SH3D19: variants seen among roughly 807,000 people sequenced by gnomAD.
SH3D19 encodes SH3 domain containing 19.
In SH3D19, 58 loss-of-function variants were observed where a neutral mutation model predicts 112.1. The ratio of observed to expected loss-of-function variants is 0.52; its 90% confidence interval spans 0.42 to 0.64. The LOEUF (loss-of-function observed/expected upper bound fraction) is 0.64, where lower values mean the gene tolerates loss of function less well. Among genes scored for constraint, SH3D19 ranks in the 30% least tolerant of loss-of-function variants. The pLI is 0.00. For synonymous variants in SH3D19, 391 were observed against 448.5 expected (o/e 0.87, Z 1.62); for missense variants, 1,090 against 1,263.4 (o/e 0.86, Z 2.08).
chr4:151,189,438 A>G (rs982615132), intron 2 of SH3D19, among the ~76,000 whole-genome samples: 1 of 152,086 alleles, frequency 6.6e-6, no homozygotes, highest in Admixed American at 6.5e-5. Flanking sequence ...TAAGTCACTC[A>G]GTGATATGGT....
At chr4:151,150,689 G>GAACAATAAAA (rs1449593752) in intron 9 of SH3D19, among the ~76,000 whole-genome samples, 1 of 152,016 alleles carries the variant, frequency 6.6e-6, no homozygotes, top group African/African-American at 2.4e-5. Context: ...AGAATAATAT[G>GAACAATAAAA]AACAATAAAA....
At chr4:151,130,037 C>CT (rs1750284869) in intron 17 of SH3D19, among the ~76,000 whole-genome samples, 1 of 152,212 alleles carries the variant, frequency 6.6e-6, no homozygotes, top group Admixed American at 6.5e-5. Context: ...TCCTGTTTCA[C>CT]TTTATCAGTG....
chr4:151,258,656 G>A (rs1370591096), intron 1 of SH3D19, among the ~76,000 whole-genome samples: 1 of 152,152 alleles, frequency 6.6e-6, no homozygotes, highest in Admixed American at 6.5e-5. Context: ...AGCAGGGGAC[G>A]CCGCAGACCC....
chr4:151,149,967 C>T (rs1050998967), intron 9 of SH3D19, among the ~76,000 whole-genome samples: 15 of 151,370 alleles, frequency 9.9e-5, no homozygotes, highest in Admixed American at 7.3e-4. Context: ...GGGTGGATCA[C>T]GAGGTCAGGA....
chr4:151,300,114 T>C (rs1728232996), intron 1 of SH3D19, among the ~76,000 whole-genome samples: 1 of 151,988 alleles, frequency 6.6e-6, no homozygotes, highest in Non-Finnish European at 1.5e-5. Context: ...GGCAGGAGAA[T>C]TGCTTGAACC....
chr4:151,191,240 A>G (rs1307513801), intron 2 of SH3D19, among the ~76,000 whole-genome samples: 3 of 152,216 alleles, frequency 2.0e-5, no homozygotes, highest in African/African-American at 7.2e-5. Context: ...TCATAGGCGG[A>G]AGGGACATGC....
chr4:151,308,684 C>A (rs1282624192), intron 1 of SH3D19, among the ~76,000 whole-genome samples: 1 of 152,088 alleles, frequency 6.6e-6, no homozygotes, highest in Non-Finnish European at 1.5e-5. Context: ...AAAAGACAGC[C>A]AATTATTTAG....
chr4:151,254,414 G>A (rs1771652029), intron 1 of SH3D19, among the ~76,000 whole-genome samples: 1 of 149,830 alleles, frequency 6.7e-6, no homozygotes, highest in South Asian at 2.1e-4. Flanking sequence ...GGGAAGGTCA[G>A]CAGATAAACA....
rs1484407956 is a variant in SH3D19, at chr4:151,121,402, A to G, written c.*689T>C. ...ATATGGAAGGATTAGTTGTATTAGC[A>G]AGGCATTTCAGGGATGGTTTTGGTT... On this transcript the variant is annotated 3_prime_UTR_variant, in exon 20 of 20. Transcript: ENST00000604030. The G allele has an allele frequency of 6.8e-6, 1 of 147,358 alleles. No homozygotes were observed. The highest frequency in any genetic ancestry group is 1.5e-5 in the Non-Finnish European group (1 of 66,800). The allele number at this position is 147,358 out of a possible 1,614,324, so 9.1% of individuals were successfully genotyped here.
rs1580181611 is a variant in SH3D19, at chr4:151,211,683, T to C, written c.152+14364A>G. Among the ~76,000 whole-genome samples the C allele has an allele frequency of 3.3e-5, 5 of 152,320 alleles. No individual in the cohort carries two copies. The South Asian group carries it at 1.0e-3, about 32-fold the overall frequency. Reference sequence around the variant, plus strand: ...CTTGTTGCTGATATGAAGAAAGTTTTAGTGGTCTGGATAGAAGATCAACCC... The same window carrying C: ...CTTGTTGCTGATATGAAGAAAGTTTCAGTGGTCTGGATAGAAGATCAACCC... On this transcript the variant is annotated intron_variant, in intron 2 of 19. Coordinates refer to ENST00000604030, the MANE Select transcript of SH3D19 (RefSeq NM_001378122.1).
chr4:151,291,174 A>C (rs1775301035), intron 1 of SH3D19: 1 of 1,613,806 alleles, frequency 6.2e-7, no homozygotes, highest in African/African-American at 1.3e-5. Context: ...TCCAGACAGG[A>C]GTAGTAAGCT....
At chr4:151,228,369 A>G (rs1212159344) in intron 1 of SH3D19, among the ~76,000 whole-genome samples, 2 of 152,222 alleles carry the variant, frequency 1.3e-5, no homozygotes, top group Non-Finnish European at 2.9e-5. Context: ...CATGAAAAAC[A>G]AATTGAAACA....
At chr4:151,257,067 A>T (rs939706431) in intron 1 of SH3D19, among the ~76,000 whole-genome samples, 2 of 124,398 alleles carry the variant, frequency 1.6e-5, no homozygotes, top group Non-Finnish European at 3.4e-5. Flanking sequence ...TTTTCTTCTT[A>T]TTTATTTATT....
At chr4:151,244,351 A>G (rs531221887) in intron 1 of SH3D19, among the ~76,000 whole-genome samples, 2 of 152,336 alleles carry the variant, frequency 1.3e-5, no homozygotes, top group South Asian at 2.1e-4. Flanking sequence ...AATTGTTCAA[A>G]TGTTGATAGG....
At position 151,174,903 on chromosome 4, in the gene SH3D19, G is replaced by C; in HGVS notation, c.1301C>G (p.Pro434Arg). 2 of 1,613,320 alleles carry C rather than the reference G, an allele frequency of 1.2e-6. No individual in the cohort carries two copies. Among genetic ancestry groups the C allele is most frequent in the Non-Finnish European group, 1.7e-6 (2 of 1,179,486 alleles). ...TTTCAGTGGAGCTGAAGGGTAGGTG[G>C]GGTTTTCTGAGGAAACAGATTTCTT... ...LLKKSVSSEN[P>R]TYPSAPLKPV... Residue 434 changes from proline (P) to arginine (R), a missense_variant, in exon 7 of 20, where the codon CCC becomes CGC. Pro to Arg is a moderately radical substitution (Grantham distance 103). Coordinates refer to ENST00000604030, the MANE Select transcript of SH3D19 (RefSeq NM_001378122.1).
chr4:151,210,124 T>C (rs1765724900), intron 2 of SH3D19, among the ~76,000 whole-genome samples: 1 of 152,174 alleles, frequency 6.6e-6, no homozygotes, highest in African/African-American at 2.4e-5. Flanking sequence ...TTTGGTAGTA[T>C]ATATGAAAAG....
Position 151,148,146 on chromosome 4 carries a change from T to C in SH3D19, c.1858A>G (p.Thr620Ala). 1 of 1,610,742 alleles carries C rather than the reference T, an allele frequency of 6.2e-7. No individual in the cohort carries two copies. The highest frequency in any genetic ancestry group is 8.5e-7 in the Non-Finnish European group (1 of 1,179,188). ...GKTIPTQQPPTKVPPERPPPP... is the reference protein window; with the variant it reads ...GKTIPTQQPPAKVPPERPPPP... ...GGTGGTCTCTCAGGGGGCACCTTGG[T>C]TGGAGGCTGTTGAGTTGGAATGGTT... The change falls in exon 11 of 20, where the codon ACC (threonine) becomes GCC (alanine). Residue 620 changes from threonine (T) to alanine (A), a missense_variant. Coordinates refer to ENST00000604030, the MANE Select transcript of SH3D19 (RefSeq NM_001378122.1).
In SH3D19 at chr4:151,222,725, C is replaced by T. The variant is rs369556047; in HGVS notation, c.152+3322G>A. Reference sequence around the variant, plus strand: ...TCTCACTCTGTTGCCCAGACTGGAGCGCAGTGGAGTGATCTTGGCTCACTG... The same window carrying T: ...TCTCACTCTGTTGCCCAGACTGGAGTGCAGTGGAGTGATCTTGGCTCACTG... On this transcript the variant is annotated intron_variant, in intron 2 of 19. Transcript: ENST00000604030. Among the ~76,000 whole-genome samples, 25 of 125,922 alleles carry T rather than the reference C, an allele frequency of 2.0e-4. 1 individual carries two copies. The highest frequency in any genetic ancestry group is 1.0e-3 in the South Asian group (4 of 3,920). The allele number at this position is 125,922 out of a possible 152,430, so 82.6% of individuals were successfully genotyped here.
At chr4:151,250,704 C>A (rs1258743534) in intron 1 of SH3D19, among the ~76,000 whole-genome samples, 1 of 152,144 alleles carries the variant, frequency 6.6e-6, no homozygotes, top group Non-Finnish European at 1.5e-5. Flanking sequence ...AGGAGTCAAA[C>A]CTATTAATAT....
Sources: gnomAD v4.1 joint callset for allele counts (sites outside exome capture counted in the v4.1 genomes callset) on GRCh38, gnomAD v4.1.1 for gene constraint, MANE v1.5 for transcripts, NCBI Gene and HGNC (gene_info 2026-07-23, HGNC 2026-07-21) for gene names.